SLC2A5: variants seen among roughly 807,000 people sequenced by gnomAD.
The protein encoded by SLC2A5 is solute carrier family 2 member 5.
In SLC2A5, 56 loss-of-function variants were observed where a neutral mutation model predicts 50.3. That is an observed-to-expected ratio of 1.11 (90% CI 0.90 to 1.39). The LOEUF is 1.39. SLC2A5 is among the 40% of genes most tolerant of loss of function. SLC2A5 has a pLI of 0.00. For synonymous variants in SLC2A5, 269 were observed against 281.9 expected (o/e 0.95, Z 0.46); for missense variants, 566 against 650.1 (o/e 0.87, Z 1.41).
At chr1:9,053,097 T>TTTATATATAATATATATTATATA (rs1491377270) in intron 3 of SLC2A5, among the ~76,000 whole-genome samples, 34 of 112,876 alleles carry the variant, frequency 3.0e-4, no homozygotes, top group African/African-American at 5.3e-4. Flanking sequence ...ATAATATATA[T>TTTATATATAATATATATTATATA]TTATATATAA....
chr1:9,065,110 C>G (rs1293900291), intron 1 of SLC2A5, among the ~76,000 whole-genome samples: 1 of 151,556 alleles, frequency 6.6e-6, no homozygotes, highest in Admixed American at 6.6e-5. Context: ...TTTCTCTAAA[C>G]CAGTGAGAAT....
At position 9,039,696 on chromosome 1, in the gene SLC2A5, G is replaced by A. The variant is rs13306769; in HGVS notation, c.886-34C>T. 3.9e-3 allele frequency: 5,732 copies of A among 1,470,744 alleles called. 90 individuals carry two copies. In the East Asian group the frequency reaches 0.046, roughly 12 times the overall value. 91.1% of individuals were successfully genotyped at this position (1,470,744 alleles called of 1,614,324 possible). ...CAAGCGCGGGGCTGGGCGGCTGCCC[G>A]GAGGAGGCGGCCTCGGCGCCAGGAC... On this transcript the variant is annotated intron_variant, in intron 7 of 11. Transcript: ENST00000377424.
chr1:9,062,522 G>C (rs1641971821), intron 1 of SLC2A5, among the ~76,000 whole-genome samples: 1 of 152,194 alleles, frequency 6.6e-6, no homozygotes, highest in Non-Finnish European at 1.5e-5. Flanking sequence ...CACTCCATCT[G>C]TTCCCTCCAT....
At chr1:9,079,912 C>A (rs904474782) in intron 2 of SLC2A5, among the ~76,000 whole-genome samples, 1 of 152,222 alleles carries the variant, frequency 6.6e-6, no homozygotes, top group African/African-American at 2.4e-5. Context: ...TCTCCAGAAC[C>A]TTTTCATCTT....
At chr1:9,088,980 T>C (rs1336513689), upstream of SLC2A5, among the ~76,000 whole-genome samples, 1 of 152,234 alleles carries the variant, frequency 6.6e-6, no homozygotes, top group Non-Finnish European at 1.5e-5. Context: ...AAGAAATTCC[T>C]GCACATAATT....
At position 9,037,490 on chromosome 1, in the gene SLC2A5, T is replaced by G; in HGVS notation, c.*96A>C. 2.1e-4 allele frequency: 215 copies of G among 1,027,206 alleles called. No homozygotes were observed. The highest frequency in any genetic ancestry group is 5.3e-4 in the East Asian group (21 of 39,992). The allele number at this position is 1,027,206 out of a possible 1,614,324, so 63.6% of individuals were successfully genotyped here. A position where few individuals can be genotyped will look rare whatever the true frequency, so the allele number is the denominator to read the frequency against. On this transcript the variant is annotated 3_prime_UTR_variant, in exon 12 of 12. Transcript: ENST00000377424. ...GGACTGCATTCCACATCAGAGTTGTTTTATTTCTGGATATTCACAGACAGC... is the reference window on the plus strand; with the variant it reads ...GGACTGCATTCCACATCAGAGTTGTGTTATTTCTGGATATTCACAGACAGC...
At chr1:9,041,966 CAGAAA>C (rs1484522681) in intron 4 of SLC2A5, 29 bp from the exon 5 acceptor site, 1 of 1,548,518 alleles carries the variant, frequency 6.5e-7, no homozygotes, top group Non-Finnish European at 8.7e-7. Flanking sequence ...GAAACACCAT[CAGAAA>C]AAATTAGTCT....
At position 9,040,616 on chromosome 1, in the gene SLC2A5, G is replaced by C. The variant is rs1641274988; in HGVS notation, c.572-427C>G. 1 of 173,584 alleles carries C rather than the reference G, an allele frequency of 5.8e-6. No individual in the cohort carries two copies. The highest frequency in any genetic ancestry group is 2.4e-5 in the African/African-American group (1 of 41,992). The allele number at this position is 173,584 out of a possible 1,614,324, so 10.8% of individuals were successfully genotyped here. ...GATTACAGAAAGGACACCAGAAACA[G>C]TGGGAATATCGTTAACATTCCACAT... On this transcript the variant is annotated intron_variant, in intron 5 of 11. Transcript: ENST00000377424. The surrounding 1 kb of genome is among the most constrained non-coding windows in gnomAD (Gnocchi z 4.3).
chr1:9,087,875 A>G (rs879851442), intron 1 of SLC2A5, among the ~76,000 whole-genome samples: 1 of 151,930 alleles, frequency 6.6e-6, no homozygotes, highest in African/African-American at 2.4e-5. Context: ...GTGTGCCTCC[A>G]GTCCAGGAGG....
chr1:9,061,531 A>G (rs1641944508), intron 1 of SLC2A5, among the ~76,000 whole-genome samples: 1 of 149,448 alleles, frequency 6.7e-6, no homozygotes, highest in African/African-American at 2.5e-5. Flanking sequence ...ACTTGAGCCC[A>G]GGAATTCAAG....
In SLC2A5 at chr1:9,035,631, C is replaced by G. The variant is rs1002258205; in HGVS notation, c.*1955G>C. On this transcript the variant is annotated 3_prime_UTR_variant, in exon 12 of 12. Coordinates refer to ENST00000377424, the MANE Select transcript of SLC2A5 (RefSeq NM_003039.3). Reference sequence around the variant, plus strand: ...TCAAGGTTTTATCCATATTTTTGCACATACACTCACACTCACACCCTTTAT... The same window carrying G: ...TCAAGGTTTTATCCATATTTTTGCAGATACACTCACACTCACACCCTTTAT... 3 of 152,228 alleles carry G rather than the reference C, an allele frequency of 2.0e-5. No homozygotes were observed. Among genetic ancestry groups the G allele is most frequent in the Non-Finnish European group, 4.4e-5 (3 of 68,058 alleles). 9.4% of individuals were successfully genotyped at this position (152,228 alleles called of 1,614,324 possible).
chr1:9,087,737 G>A (rs891622807), intron 1 of SLC2A5, among the ~76,000 whole-genome samples: 6 of 152,216 alleles, frequency 3.9e-5, no homozygotes, highest in African/African-American at 9.6e-5. Context: ...ACTCGGGCCA[G>A]GGCTACTCTC....
intron 1 of SLC2A5, among the ~76,000 whole-genome samples, chr1:9,059,326 G>A (rs112469085): frequency 0.016 from 2,417 of 151,124 alleles, 78 homozygotes; most frequent in African/African-American, 0.056. Flanking sequence ...GTATTTTTTA[G>A]TAGAGACGGG....
intron 1 of SLC2A5, among the ~76,000 whole-genome samples, chr1:9,087,274 G>A (rs1432254498): frequency 2.0e-5 from 3 of 148,080 alleles, no homozygotes; most frequent in Admixed American, 6.8e-5. Context: ...GTGCAATCTT[G>A]GCTCACTGCA....
chr1:9,061,267 G>T (rs372426294), intron 1 of SLC2A5, among the ~76,000 whole-genome samples: 1 of 125,308 alleles, frequency 8.0e-6, no homozygotes, highest in Non-Finnish European at 1.6e-5. Context: ...GGGTGACAGT[G>T]CAAGACCCTG....
upstream of SLC2A5, among the ~76,000 whole-genome samples, chr1:9,091,931 A>C (rs1266126630): frequency 6.6e-6 from 1 of 152,152 alleles, no homozygotes; most frequent in Non-Finnish European, 1.5e-5. Context: ...TAGCAAAAAC[A>C]CACACACTTT....
At chr1:9,066,382 C>CG (rs908940145) in intron 1 of SLC2A5, among the ~76,000 whole-genome samples, 14 of 152,008 alleles carry the variant, frequency 9.2e-5, no homozygotes, top group African/African-American at 3.4e-4. Context: ...ACTATAGGCA[C>CG]GGTCCCCATG....
chr1:9,043,184 G>A (rs1433586724), intron 4 of SLC2A5, among the ~76,000 whole-genome samples: 4 of 152,168 alleles, frequency 2.6e-5, no homozygotes, highest in African/African-American at 7.2e-5. Context: ...AGGGACGTGG[G>A]TCTCTGAAGG....
At position 9,042,917 on chromosome 1, in the gene SLC2A5, C is replaced by T. The variant is rs1055018978; in HGVS notation, c.419-980G>A. 2.6e-5 allele frequency among the ~76,000 whole-genome samples: 4 copies of T among 151,986 alleles called. No individual in the cohort carries two copies. In the East Asian group the frequency reaches 5.8e-4, roughly 22 times the overall value. On this transcript the variant is annotated intron_variant, in intron 4 of 11. Coordinates refer to ENST00000377424, the MANE Select transcript of SLC2A5 (RefSeq NM_003039.3). ...GTAATGCCTGGACTACTTCTGAATC[C>T]CCAGTATTTAAACTTGTAAATATTC...
Sources: allele counts gnomAD v4.1 joint callset (sites outside exome capture counted in the v4.1 genomes callset), GRCh38; gene constraint gnomAD v4.1.1; non-coding constraint Gnocchi (gnomAD v3.1); transcripts MANE v1.5; gene names NCBI Gene and HGNC (gene_info 2026-07-23, HGNC 2026-07-21).